Variants in CPPED1 observed in about 807,000 individuals in gnomAD.
CPPED1 encodes serine/threonine-protein phosphatase CPPED1.
Under a neutral mutation model 28.0 loss-of-function variants are expected in CPPED1, and 28 were observed. The observed-to-expected ratio is 1.00, with a 90% CI of 0.74 to 1.37. The LOEUF (loss-of-function observed/expected upper bound fraction) is 1.37. Among genes scored for constraint, CPPED1 ranks in the 40% most tolerant of loss-of-function variants. The probability of loss-of-function intolerance (pLI) is 0.00; values close to 1 mark genes in which losing one functional copy is unlikely to be tolerated. For missense variants in CPPED1, 504 were observed against 416.5 expected (o/e 1.21, Z -1.83); for synonymous variants, 198 against 180.2 (o/e 1.10, Z -0.79).
In CPPED1 at chr16:12,796,049, C is replaced by T. The variant is rs147840198; in HGVS notation, c.70+7658G>A. On this transcript the variant is annotated intron_variant, in intron 1 of 3. Transcript: ENST00000381774. ...AGTGAGCCAAGATCACGCCACTGCA[C>T]TCTAGCCTGGGCGATAGAGCAAGAC... Among the ~76,000 whole-genome samples, 569 of 151,594 alleles carry T rather than the reference C, an allele frequency of 3.8e-3. 4 individuals carry two copies. Among genetic ancestry groups the T allele is most frequent in the Non-Finnish European group, 6.0e-3 (409 of 67,928 alleles).
intron 2 of CPPED1, among the ~76,000 whole-genome samples, chr16:12,713,846 CAA>C (rs1360492559): frequency 6.7e-6 from 1 of 150,072 alleles, no homozygotes; most frequent in African/African-American, 2.5e-5. Flanking sequence ...TTAGAATATT[CAA>C]AGAGTTGTGG....
chr16:12,688,923 T>C (rs781434509), intron 3 of CPPED1, among the ~76,000 whole-genome samples: 10 of 152,238 alleles, frequency 6.6e-5, no homozygotes, highest in Non-Finnish European at 1.2e-4. Flanking sequence ...GTGGCCTTAC[T>C]TACCAAGACT....
chr16:12,708,517 C>T (rs963937475), intron 2 of CPPED1, among the ~76,000 whole-genome samples: 10 of 152,106 alleles, frequency 6.6e-5, no homozygotes, highest in East Asian at 1.9e-4. Flanking sequence ...TTTTTATCAG[C>T]GACCCACTGT....
chr16:12,672,492 T>C (rs770187362), intron 3 of CPPED1, among the ~76,000 whole-genome samples: 18 of 152,378 alleles, frequency 1.2e-4, no homozygotes, highest in Admixed American at 2.0e-4. Context: ...ACCATTAATA[T>C]GTATAGCACA....
intron 2 of CPPED1, among the ~76,000 whole-genome samples, chr16:12,758,988 C>A (rs1283192026): frequency 6.6e-6 from 1 of 151,626 alleles, no homozygotes; most frequent in Admixed American, 6.6e-5. Flanking sequence ...CACGGCAAGA[C>A]CCCATCCCTA....
Position 12,670,404 on chromosome 16 carries a change from GAC to G in CPPED1, c.716-5291_716-5290del, listed in dbSNP as rs1297458312. Among the ~76,000 whole-genome samples, 2 of 152,068 alleles carry G rather than the reference GAC, an allele frequency of 1.3e-5. 1 individual carries two copies. The highest frequency in any genetic ancestry group is 2.9e-5 in the Non-Finnish European group (2 of 68,010). ...ACACACAGAAGAGTAACAAATAAAT[GAC>G]ACAGACACCCCACCCTCTAGGAAGT... On this transcript the variant is annotated intron_variant, in intron 3 of 3. Transcript: ENST00000381774. The surrounding 1 kb of genome is among the most constrained non-coding windows in gnomAD (Gnocchi z 4.2).
At chr16:12,687,267 C>A (rs906681894) in intron 3 of CPPED1, among the ~76,000 whole-genome samples, 1 of 151,988 alleles carries the variant, frequency 6.6e-6, no homozygotes, top group Non-Finnish European at 1.5e-5. Context: ...ATTCGTAATG[C>A]CACCACCCAG....
chr16:12,717,823 G>C (rs2141195766), intron 2 of CPPED1, among the ~76,000 whole-genome samples: 1 of 152,064 alleles, frequency 6.6e-6, no homozygotes, highest in East Asian at 1.9e-4. Context: ...TGTACTTTTA[G>C]TAGAGGCAGG....
intron 1 of CPPED1, among the ~76,000 whole-genome samples, chr16:12,792,633 CAT>C (rs749145369): frequency 2.0e-5 from 3 of 152,162 alleles, no homozygotes; most frequent in African/African-American, 7.2e-5. Context: ...ATAATTCCCA[CAT>C]GTCATGGGAA....
chr16:12,717,060 G>A (rs942107029), intron 2 of CPPED1, among the ~76,000 whole-genome samples: 1 of 152,152 alleles, frequency 6.6e-6, no homozygotes, highest in African/African-American at 2.4e-5. Flanking sequence ...AAGAAGGTGG[G>A]GAGGGGGCTT....
intron 3 of CPPED1, among the ~76,000 whole-genome samples, chr16:12,691,314 ACT>A (rs918908582): frequency 6.6e-6 from 1 of 151,992 alleles, no homozygotes; most frequent in African/African-American, 2.4e-5. Context: ...ACGTAGTCTC[ACT>A]CTGTCACCCA....
chr16:12,782,873 T>A (rs926651707), intron 1 of CPPED1, among the ~76,000 whole-genome samples: 27 of 151,346 alleles, frequency 1.8e-4, no homozygotes, highest in African/African-American at 6.3e-4. Context: ...TCTATCTCAA[T>A]AATAATAATA....
chr16:12,770,878 G>A (rs1273651052), intron 2 of CPPED1, among the ~76,000 whole-genome samples: 1 of 138,884 alleles, frequency 7.2e-6, no homozygotes, highest in Non-Finnish European at 1.5e-5. Flanking sequence ...GGAAAGGAAA[G>A]GAAAGGAAGG....
At chr16:12,712,192 G>C (rs1293091544) in intron 2 of CPPED1, among the ~76,000 whole-genome samples, 2 of 152,184 alleles carry the variant, frequency 1.3e-5, no homozygotes, top group African/African-American at 2.4e-5. Context: ...GCACAGAAAG[G>C]GAAGCATGCC....
chr16:12,782,120 C>T lies in CPPED1; in HGVS notation c.71-717G>A, dbSNP rs138010177. On this transcript the variant is annotated intron_variant, in intron 1 of 3. Transcript: ENST00000381774. ...CCTGAAATCATTCTGCTTGCTCTTCCGACTGACTCTCCTGGGCCAAAGCTT... is the reference window on the plus strand; with the variant it reads ...CCTGAAATCATTCTGCTTGCTCTTCTGACTGACTCTCCTGGGCCAAAGCTT... Among the ~76,000 whole-genome samples the T allele has an allele frequency of 2.4e-4, 36 of 152,198 alleles. 1 individual carries two copies. The highest frequency in any genetic ancestry group is 6.7e-4 in the African/African-American group (28 of 41,524).
chr16:12,803,569 C>A (rs1330183269), intron 1 of CPPED1, 138 bp downstream of exon 1: 2 of 686,010 alleles, frequency 2.9e-6, no homozygotes, highest in Admixed American at 4.2e-5. Context: ...GGCTTTGATG[C>A]AGCTATGGCG....
At chr16:12,684,008 C>T (rs990466337) in intron 3 of CPPED1, among the ~76,000 whole-genome samples, 2 of 152,076 alleles carry the variant, frequency 1.3e-5, no homozygotes, top group African/African-American at 2.4e-5. Flanking sequence ...AGTTCCAAGG[C>T]GGAAGAAGAG....
intron 2 of CPPED1, among the ~76,000 whole-genome samples, chr16:12,742,959 G>A (rs1300698280): frequency 1.3e-5 from 2 of 152,182 alleles, no homozygotes; most frequent in Non-Finnish European, 2.9e-5. Flanking sequence ...AACTCCTCCA[G>A]CAATAAGCTG....
chr16:12,766,210 T>C (rs1057011742), intron 2 of CPPED1, among the ~76,000 whole-genome samples: 2 of 145,836 alleles, frequency 1.4e-5, no homozygotes, highest in Non-Finnish European at 3.0e-5. Flanking sequence ...CTGGCCAACA[T>C]GGTGAAACCC....
Sources: gnomAD v4.1 joint callset for allele counts (sites outside exome capture counted in the v4.1 genomes callset) on GRCh38, gnomAD v4.1.1 for gene constraint, Gnocchi (gnomAD v3.1) non-coding constraint, MANE v1.5 for transcripts, NCBI Gene and HGNC (gene_info 2026-07-23, HGNC 2026-07-21) for gene names.